LUC7L: variants seen among roughly 807,000 people sequenced by gnomAD.
LUC7L encodes the protein putative RNA-binding protein Luc7-like 1.
In LUC7L, 29 loss-of-function variants were observed where a neutral mutation model predicts 51.1. The ratio of observed to expected loss-of-function variants is 0.57; its 90% CI spans 0.42 to 0.77. The LOEUF is 0.77. LUC7L is among the 30% of genes least tolerant of loss of function. The pLI is 0.00. For missense variants in LUC7L, 403 were observed against 511.9 expected (o/e 0.79, Z 2.05); for synonymous variants, 181 against 180.7 (o/e 1.00, Z -0.01).
chr16:189,244 T>C lies in LUC7L; in HGVS notation c.1070A>G (p.Lys357Arg), dbSNP rs752101341. 6.2e-7 allele frequency: 1 copy of C among 1,614,054 alleles called. No individual in the cohort carries two copies. The highest frequency in any genetic ancestry group is 8.5e-7 in the Non-Finnish European group (1 of 1,179,982). Residue 357 changes from lysine to arginine, a missense_variant, in exon 10 of 10, where the codon AAG becomes AGG. This residue lies in a region of LUC7L where 206 missense variants were observed against 218.3 expected (regional missense o/e 0.94). Coordinates refer to ENST00000293872, the MANE Select transcript of LUC7L (RefSeq NM_201412.3). ...CTCTTCTGACCTCCGTGAAGCCATCTTCCCGTTGGAGCTCTCAAGCCTCCA... is the reference window on the plus strand; with the variant it reads ...CTCTTCTGACCTCCGTGAAGCCATCCTCCCGTTGGAGCTCTCAAGCCTCCA... ...PDWRLESSNGKMASRRSEEKE... is the reference protein window; with the variant it reads ...PDWRLESSNGRMASRRSEEKE...
intron 2 of LUC7L, 78 bp downstream of exon 2, chr16:227,164 T>C (rs1470565905): frequency 1.7e-6 from 2 of 1,205,284 alleles, no homozygotes; most frequent in African/African-American, 1.5e-5. Context: ...TAAAACAAAA[T>C]TCAACATAGA....
At chr16:216,544 G>A (rs376920275) in intron 3 of LUC7L, among the ~76,000 whole-genome samples, 21 of 151,556 alleles carry the variant, frequency 1.4e-4, no homozygotes, top group African/African-American at 4.1e-4. Context: ...CACCATGACC[G>A]GCTGATTTTT....
At chr16:212,575 G>T (rs1006783328) in intron 3 of LUC7L, among the ~76,000 whole-genome samples, 1 of 152,124 alleles carries the variant, frequency 6.6e-6, no homozygotes, top group African/African-American at 2.4e-5. Flanking sequence ...CTGGACAACT[G>T]TAAGACAGGA....
At chr16:191,452 T>A (rs1486356900) in intron 7 of LUC7L, among the ~76,000 whole-genome samples, 1 of 152,224 alleles carries the variant, frequency 6.6e-6, no homozygotes, top group African/African-American at 2.4e-5. Flanking sequence ...TGACAGTGCA[T>A]GTAAAAATGT....
chr16:198,682 A>G (rs1026297868), intron 6 of LUC7L, among the ~76,000 whole-genome samples: 29 of 152,156 alleles, frequency 1.9e-4, no homozygotes, highest in African/African-American at 6.7e-4. Context: ...AGATCAGAAC[A>G]TAATGTTTTT....
At chr16:203,927 A>G (rs1016226030) in intron 5 of LUC7L, among the ~76,000 whole-genome samples, 1 of 151,492 alleles carries the variant, frequency 6.6e-6, no homozygotes, top group Non-Finnish European at 1.5e-5. Flanking sequence ...GAGGCAGGAG[A>G]ATCGCTTGAG....
At chr16:219,823 C>A (rs978673394) in intron 3 of LUC7L, among the ~76,000 whole-genome samples, 2 of 151,614 alleles carry the variant, frequency 1.3e-5, no homozygotes, top group Non-Finnish European at 2.9e-5. Context: ...GAGCCAAGAT[C>A]GCACTACTGC....
Position 200,648 on chromosome 16 carries a change from G to A in LUC7L, c.511-1410C>T, listed in dbSNP as rs151028937. On this transcript the variant is annotated intron_variant, in intron 5 of 9. Transcript: ENST00000293872. ...TATAATCTCAGCACTTTAGGAGAGT[G>A]AAGCAAGAAGATCACTTGGCCCCAG... 3.3e-5 allele frequency among the ~76,000 whole-genome samples: 5 copies of A among 152,264 alleles called. No individual in the cohort carries two copies. In the East Asian group the frequency reaches 7.7e-4, roughly 24 times the overall value.
intron 1 of LUC7L, 132 bp downstream of exon 1, chr16:229,147 G>C: frequency 3.5e-6 from 5 of 1,419,564 alleles, no homozygotes; most frequent in African/African-American, 1.5e-5. Flanking sequence ...CCTGCGGTCG[G>C]AGCGCGGGGG....
chr16:211,435 G>A (rs1444573780), intron 3 of LUC7L, among the ~76,000 whole-genome samples: 13 of 152,170 alleles, frequency 8.5e-5, no homozygotes, highest in Admixed American at 6.6e-5. Context: ...TCCAGCCTGG[G>A]CGACAGAGCA....
chr16:189,723 C>A, intron 9 of LUC7L: 2 of 1,376,068 alleles, frequency 1.5e-6, no homozygotes, highest in Non-Finnish European at 1.9e-6. Context: ...ATGGACGCAA[C>A]AGTGCACAGG....
intron 3 of LUC7L, among the ~76,000 whole-genome samples, chr16:210,383 C>A (rs926670575): frequency 5.3e-5 from 8 of 152,300 alleles, no homozygotes; most frequent in Admixed American, 2.6e-4. Flanking sequence ...AACAAATGAT[C>A]CGGCATTTGA....
chr16:216,020 A>G (rs1255274122), intron 3 of LUC7L, among the ~76,000 whole-genome samples: 1 of 150,766 alleles, frequency 6.6e-6, no homozygotes, highest in Non-Finnish European at 1.5e-5. Flanking sequence ...TTTTTTTTTG[A>G]GATGGGATTT....
chr16:189,623 A>G, intron 9 of LUC7L: 3 of 1,328,534 alleles, frequency 2.3e-6, no homozygotes, highest in Non-Finnish European at 2.9e-6. Flanking sequence ...CACTACGTAA[A>G]AACACAATGG....
chr16:198,299 A>G (rs957233917), intron 6 of LUC7L, among the ~76,000 whole-genome samples: 10 of 151,396 alleles, frequency 6.6e-5, no homozygotes, highest in Non-Finnish European at 1.3e-4. Flanking sequence ...AAAAAAAAAA[A>G]AAAAAAAGTT....
intron 7 of LUC7L, 105 bp from the exon 8 acceptor site, chr16:190,675 C>T: frequency 2.0e-6 from 2 of 990,288 alleles, no homozygotes; most frequent in Non-Finnish European, 3.2e-6. Flanking sequence ...AGGTCACGAG[C>T]TGGAGACCAG....
chr16:229,198 C>G (rs558712666), intron 1 of LUC7L, 81 bp downstream of exon 1: 1 of 1,500,108 alleles, frequency 6.7e-7, no homozygotes, highest in Non-Finnish European at 8.8e-7. Flanking sequence ...CGCAGACGAT[C>G]GCGGCCCCCG....
chr16:193,115 T>C (rs2049054431), intron 6 of LUC7L, 100 bp from the exon 7 acceptor site: 3 of 941,350 alleles, frequency 3.2e-6, no homozygotes, highest in Non-Finnish European at 3.4e-6. Flanking sequence ...GTATTGGTAA[T>C]TTAAAAATTG....
chr16:193,380 T>C (rs1215749984), intron 6 of LUC7L, among the ~76,000 whole-genome samples: 1 of 151,946 alleles, frequency 6.6e-6, no homozygotes, highest in Admixed American at 6.6e-5. Flanking sequence ...CTCTTGACCT[T>C]GTGACCCGCC....
Sources: gnomAD v4.1 joint callset for allele counts (sites outside exome capture counted in the v4.1 genomes callset) on GRCh38, gnomAD v4.1.1 for gene constraint, gnomAD v4.1.1 regional missense constraint, MANE v1.5 for transcripts, NCBI Gene and HGNC (gene_info 2026-07-23, HGNC 2026-07-21) for gene names.